Variants in ASPM observed in about 807,000 individuals in gnomAD.
The protein encoded by ASPM is assembly factor for spindle microtubules.
In ASPM, 256 loss-of-function variants were observed where a neutral mutation model predicts 366.4. The ratio of observed to expected loss-of-function variants is 0.70; its 90% CI spans 0.63 to 0.77. The LOEUF is 0.77. ASPM is among the 30% of genes least tolerant of loss of function. ASPM has a pLI of 0.00. For synonymous variants in ASPM, 1,414 were observed against 1,342.9 expected (o/e 1.05, Z -1.16); for missense variants, 4,146 against 4,090.4 (o/e 1.01, Z -0.37).
chr1:197,115,654 A>G (rs1248474936), intron 17 of ASPM, among the ~76,000 whole-genome samples: 1 of 152,224 alleles, frequency 6.6e-6, no homozygotes, highest in Admixed American at 6.5e-5. Context: ...GCATGAAAAC[A>G]ACATTCCTCT....
At position 197,129,940 on chromosome 1, in the gene ASPM, G is replaced by A. The variant is rs1658210927; in HGVS notation, c.2604C>T (p.Pro868=). 1.9e-6 allele frequency: 3 copies of A among 1,613,900 alleles called. No individual in the cohort carries two copies. Among genetic ancestry groups the A allele is most frequent in the Non-Finnish European group, 2.5e-6 (3 of 1,179,850 alleles). ...NPDIAAEYRH[P]TVPHLYRDGH... is the part of the protein sequence containing the mutation. ...CATCTCTATACAGGTGAGGAACAGT[G>A]GGGTGTCTATACTCAGCTGCTATAT... The change falls in exon 8 of 28, where the codon CCC becomes CCT. Residue 868 remains proline (P), a synonymous_variant. Transcript: ENST00000367409.
chr1:197,097,007 A>G (rs1656993907), intron 18 of ASPM, among the ~76,000 whole-genome samples: 1 of 151,798 alleles, frequency 6.6e-6, no homozygotes, highest in Admixed American at 6.6e-5. Flanking sequence ...ACATCCCTAC[A>G]GGAAGAGGAA....
chr1:197,138,126 G>A (rs1192190956), intron 4 of ASPM, among the ~76,000 whole-genome samples: 2 of 152,138 alleles, frequency 1.3e-5, no homozygotes, highest in African/African-American at 4.8e-5. Context: ...GGATCCACAA[G>A]CAGGACTATG....
chr1:197,086,776 A>G, intron 27 of ASPM, 27 bp downstream of exon 27: 2 of 1,563,200 alleles, frequency 1.3e-6, no homozygotes, highest in Non-Finnish European at 1.8e-6. Flanking sequence ...AGTGACACAA[A>G]TTTATGGACT....
At chr1:197,089,298 A>G (rs539074955) in intron 25 of ASPM, among the ~76,000 whole-genome samples, 1 of 152,148 alleles carries the variant, frequency 6.6e-6, no homozygotes, top group East Asian at 1.9e-4. Context: ...AAATCTTTCA[A>G]CCTTTGGTTG....
In ASPM at chr1:197,102,573, C is replaced by A. The variant is rs147987232; in HGVS notation, c.6678G>T (p.Met2226Ile). ...TKTVQQRYWAMKERNIQFQRY... is the reference protein window; with the variant it reads ...TKTVQQRYWAIKERNIQFQRY... ...TTTGAAATTGTATGTTTCTTTCTTT[C>A]ATTGCCCAGTATCTTTGCTGTACTG... The change falls in exon 18 of 28, where the codon ATG becomes ATT. Residue 2226 changes from methionine (M) to isoleucine (I), a missense_variant. Physicochemically the swap from Met to Ile is conservative, Grantham distance 10. Around this residue, in one of 3 missense-constraint regions of ASPM, gnomAD observed 3,624 missense variants for 3,591.7 expected, o/e 1.01. Coordinates refer to ENST00000367409, the MANE Select transcript of ASPM (RefSeq NM_018136.5). 1 of 1,612,184 alleles carries A rather than the reference C, an allele frequency of 6.2e-7. No homozygotes were observed. Among genetic ancestry groups the A allele is most frequent in the Non-Finnish European group, 8.5e-7 (1 of 1,179,038 alleles).
At chr1:197,098,782 T>C (rs547514086) in intron 18 of ASPM, among the ~76,000 whole-genome samples, 136 of 151,842 alleles carry the variant, frequency 9.0e-4, no homozygotes, top group Middle Eastern at 3.4e-3. Flanking sequence ...GTATTGTTCC[T>C]TGGTGATCTC....
intron 6 of ASPM, 110 bp downstream of exon 6, chr1:197,133,240 T>G: frequency 8.8e-7 from 1 of 1,137,354 alleles, no homozygotes; most frequent in African/African-American, 1.6e-5. Context: ...ACCTTAAATA[T>G]ATGCCAGTTT....
At chr1:197,124,012 A>C (rs1353320075) in intron 13 of ASPM, 98 bp downstream of exon 13, 2 of 1,062,038 alleles carry the variant, frequency 1.9e-6, no homozygotes, top group Non-Finnish European at 2.8e-6. Flanking sequence ...CAGATGAACT[A>C]AGAAATTCAA....
chr1:197,105,943 A>G (rs1657395854), intron 17 of ASPM, among the ~76,000 whole-genome samples: 1 of 152,026 alleles, frequency 6.6e-6, no homozygotes, highest in Admixed American at 6.6e-5. Flanking sequence ...CAAGTTCTAG[A>G]TGTTTTAGCA....
In ASPM at chr1:197,143,137, A is replaced by C. The variant is rs1255406520; in HGVS notation, c.1115T>G (p.Ile372Arg). ...YQKILSPDSF[I>R]KDNYGLNQDL... is the part of the protein sequence containing the mutation. ...CTGATTTAGTCCATAATTATCTTTT[A>C]TGAAAGAATCTGGACTTAAAATTTT... The change falls in exon 3 of 28, where the codon ATA (isoleucine) becomes AGA (arginine). Residue 372 changes from isoleucine to arginine, a missense_variant. By Grantham distance (97) the Ile-to-Arg change is moderately conservative (BLOSUM62 -3). Around this residue, in one of 3 missense-constraint regions of ASPM, gnomAD observed 512 missense variants for 471.7 expected, o/e 1.09. Transcript: ENST00000367409. 5 of 1,613,156 alleles carry C rather than the reference A, an allele frequency of 3.1e-6. No individual in the cohort carries two copies. The South Asian group carries it at 5.5e-5, about 18-fold the overall frequency.
chr1:197,112,481 T>C lies in ASPM; in HGVS notation c.4065+5308A>G, dbSNP rs200179002. 4.6e-4 allele frequency among the ~76,000 whole-genome samples: 70 copies of C among 152,116 alleles called. 1 individual carries two copies. In the East Asian group the frequency reaches 5.8e-3, roughly 13 times the overall value. The stretch of plus-strand genomic sequence containing the variant: ...CATGACACAAGTCTACCTATATAAC[T>C]GTGACAGAAAAATATATTGGGCCCC... On this transcript the variant is annotated intron_variant, in intron 17 of 27. Coordinates refer to ENST00000367409, the MANE Select transcript of ASPM (RefSeq NM_018136.5).
chr1:197,085,839 T>G (rs185549173), intron 27 of ASPM, among the ~76,000 whole-genome samples: 1 of 152,164 alleles, frequency 6.6e-6, no homozygotes, highest in African/African-American at 2.4e-5. Context: ...CCTAACTGTA[T>G]ACATTTGTCA....
chr1:197,108,945 T>C (rs1365439073), intron 17 of ASPM, among the ~76,000 whole-genome samples: 1 of 125,136 alleles, frequency 8.0e-6, no homozygotes, highest in East Asian at 2.3e-4. Flanking sequence ...TACTCTAGCC[T>C]GGGCGACAGA....
intron 17 of ASPM, among the ~76,000 whole-genome samples, chr1:197,113,617 C>T (rs1158522070): frequency 6.6e-6 from 1 of 151,972 alleles, no homozygotes; most frequent in Non-Finnish European, 1.5e-5. Context: ...TAAAGAAACA[C>T]TCCTTATATA....
At chr1:197,095,921 G>A (rs1439723323) in intron 19 of ASPM, 77 bp downstream of exon 19, 2 of 1,217,460 alleles carry the variant, frequency 1.6e-6, no homozygotes, top group African/African-American at 1.5e-5. Context: ...AAATCAATAA[G>A]CAGTGTTATT....
In ASPM at chr1:197,124,330, AC is replaced by A; in HGVS notation, c.3169del (p.Val1057TrpfsTer7). ...TTGATCTAAGTTAAGGGAAATATCC[AC>A]CTAAAACAAACACAAAAAAAGATAA... is the stretch of plus-strand genomic sequence containing the variant. ...LLWKIAFAFQ[V>X]DISLNLDQLK... On this transcript the variant is annotated frameshift_variant and splice_region_variant, in exon 13 of 28. Coordinates refer to ENST00000367409, the MANE Select transcript of ASPM (RefSeq NM_018136.5). LOFTEE classifies it high-confidence loss of function. 1 of 1,553,574 alleles carries A rather than the reference AC, an allele frequency of 6.4e-7. No individual in the cohort carries two copies. Among genetic ancestry groups the A allele is most frequent in the Non-Finnish European group, 8.9e-7 (1 of 1,129,248 alleles).
intron 18 of ASPM, among the ~76,000 whole-genome samples, chr1:197,097,745 A>T (rs1298073714): frequency 2.6e-5 from 4 of 151,724 alleles, no homozygotes; most frequent in African/African-American, 9.7e-5. Flanking sequence ...CTGTAACAGT[A>T]AAAGACTGGT....
At position 197,104,286 on chromosome 1, in the gene ASPM, G is replaced by A. The variant is rs200971702; in HGVS notation, c.4965C>T (p.Ile1655=). ...ATTGAATCTTTATAACAGATGTGAG[G>A]ATGTGAATATACATTTTCCTGGCTT... The part of the protein sequence containing the change: ...GMQARKMYIH[I]LTSVIKIQSY... Residue 1655 remains isoleucine (I), a synonymous_variant, in exon 18 of 28, where the codon ATC becomes ATT. Transcript: ENST00000367409. 2.5e-6 allele frequency: 4 copies of A among 1,613,022 alleles called. No individual in the cohort carries two copies. Among genetic ancestry groups the A allele is most frequent in the Non-Finnish European group, 3.4e-6 (4 of 1,179,402 alleles).
Sources: allele counts gnomAD v4.1 joint callset (sites outside exome capture counted in the v4.1 genomes callset), GRCh38; gene constraint gnomAD v4.1.1; regional missense constraint gnomAD v4.1.1; transcripts MANE v1.5; gene names NCBI Gene and HGNC (gene_info 2026-07-23, HGNC 2026-07-21).